Variants in MAP3K21 observed in about 807,000 individuals in gnomAD.
MAP3K21 encodes mitogen-activated protein kinase kinase kinase MLK4.
MAP3K21 carries 63 observed loss-of-function variants against 86.1 expected under a neutral mutation model. The observed-to-expected ratio is 0.73, with a 90% CI of 0.60 to 0.90. MAP3K21 has a LOEUF of 0.90. MAP3K21 is among the 40% of genes least tolerant of loss of function. The pLI, the probability that MAP3K21 is intolerant of heterozygous loss-of-function variation, is 0.00. For synonymous variants in MAP3K21, 558 were observed against 564.8 expected, an observed-to-expected ratio of 0.99 and a Z score of 0.17; for missense variants, 1,220 against 1,367.7, an observed-to-expected ratio of 0.89 and a Z score of 1.70.
At chr1:233,340,972 A>G (rs1663029193) in intron 1 of MAP3K21, among the ~76,000 whole-genome samples, 1 of 152,216 alleles carries the variant, frequency 6.6e-6, no homozygotes, top group Admixed American at 6.5e-5. Context: ...TATATACTAT[A>G]ATTCTGAAAA....
At chr1:233,358,879 G>A (rs141550682) in intron 4 of MAP3K21, among the ~76,000 whole-genome samples, 8 of 151,730 alleles carry the variant, frequency 5.3e-5, no homozygotes, top group South Asian at 2.1e-4. Context: ...GTGTGGTCTC[G>A]GCTCACTGCA....
chr1:233,337,417 A>G (rs996435999), intron 1 of MAP3K21, among the ~76,000 whole-genome samples: 1 of 152,168 alleles, frequency 6.6e-6, no homozygotes, highest in African/African-American at 2.4e-5. Context: ...ACTTAGAAAC[A>G]CTTCTAAGTG....
intron 1 of MAP3K21, among the ~76,000 whole-genome samples, chr1:233,336,448 G>C (rs1662915939): frequency 6.6e-6 from 1 of 152,134 alleles, no homozygotes; most frequent in African/African-American, 2.4e-5. Flanking sequence ...GGCTGAGGCA[G>C]GAGAATTGCT....
intron 1 of MAP3K21, among the ~76,000 whole-genome samples, chr1:233,345,515 A>C (rs1321105002): frequency 6.7e-6 from 1 of 149,928 alleles, no homozygotes; most frequent in Non-Finnish European, 1.5e-5. Flanking sequence ...TCTCACTCAT[A>C]GGTGGGAATT....
chr1:233,370,139 C>CTAGG (rs1663656607), intron 5 of MAP3K21, among the ~76,000 whole-genome samples: 1 of 152,048 alleles, frequency 6.6e-6, no homozygotes, highest in Non-Finnish European at 1.5e-5. Context: ...GGTGATTGGC[C>CTAGG]GTGCAGATGG....
At chr1:233,339,268 CTCTTCTTCTTCT>C (rs1327762337) in intron 1 of MAP3K21, among the ~76,000 whole-genome samples, 2 of 19,854 alleles carry the variant, frequency 1.0e-4, no homozygotes, top group African/African-American at 1.7e-4. Context: ...CTTCTTCTTC[CTCTTCTTCTTCT>C]TCTTCTTCTT....
chr1:233,361,640 T>C (rs1460823517), intron 4 of MAP3K21, among the ~76,000 whole-genome samples: 1 of 152,224 alleles, frequency 6.6e-6, no homozygotes, highest in Non-Finnish European at 1.5e-5. Flanking sequence ...TTTGGCTTTA[T>C]TTTGAAATGG....
rs770889412 is a variant in MAP3K21, at chr1:233,354,933, A to G, written c.1233A>G (p.Gln411=). ...IEGAVMTEMP[Q]ESFHSMQDDW... ...GGGCAGTGATGACTGAGATGCCTCA[A>G]GAATCTTTTCATTCCATGCAAGATG... Residue 411 remains glutamine (Q), a synonymous_variant, in exon 4 of 10, where the codon CAA becomes CAG. Coordinates refer to ENST00000366624, the MANE Select transcript of MAP3K21 (RefSeq NM_032435.3). 9 of 1,614,068 alleles carry G rather than the reference A, an allele frequency of 5.6e-6. No individual in the cohort carries two copies. Among genetic ancestry groups the G allele is most frequent in the Non-Finnish European group, 7.6e-6 (9 of 1,179,908 alleles).
chr1:233,370,136 G>GTA (rs1663656464), intron 5 of MAP3K21, among the ~76,000 whole-genome samples: 1 of 152,164 alleles, frequency 6.6e-6, no homozygotes, highest in Non-Finnish European at 1.5e-5. Flanking sequence ...CATGGTGATT[G>GTA]GCCGTGCAGA....
intron 2 of MAP3K21, among the ~76,000 whole-genome samples, chr1:233,349,726 C>G (rs1434984968): frequency 6.6e-6 from 1 of 152,104 alleles, no homozygotes; most frequent in African/African-American, 2.4e-5. Flanking sequence ...ATCACAAGGT[C>G]GAGAGATCGA....
intron 1 of MAP3K21, among the ~76,000 whole-genome samples, chr1:233,337,004 T>A (rs1186007828): frequency 2.6e-5 from 4 of 152,224 alleles, no homozygotes; most frequent in Non-Finnish European, 5.9e-5. Context: ...CCTTTCACAT[T>A]GGAGGACAAA....
chr1:233,367,366 A>C (rs914070372), intron 5 of MAP3K21, among the ~76,000 whole-genome samples: 1 of 152,238 alleles, frequency 6.6e-6, no homozygotes, highest in South Asian at 2.1e-4. Flanking sequence ...CAGCAAAAAT[A>C]CTAGGATAGG....
chr1:233,367,859 C>CAA lies in MAP3K21; in HGVS notation c.1553-4164_1553-4163dup, dbSNP rs5781742. Among the ~76,000 whole-genome samples the CAA allele has an allele frequency of 9.0e-3, 1,100 of 121,912 alleles. 9 individuals carry two copies. The highest frequency in any genetic ancestry group is 0.037 in the East Asian group (162 of 4,386). 80.0% of individuals were successfully genotyped at this position (121,912 alleles called of 152,430 possible). ...GGGTGACAGGAGCAAGACTCCGTCTCAAAAAAAAAAAAAAAAGAATGTTTT... is the reference window on the plus strand; with the variant it reads ...GGGTGACAGGAGCAAGACTCCGTCTCAAAAAAAAAAAAAAAAAAGAATGTTTT... On this transcript the variant is annotated intron_variant, in intron 5 of 9. Transcript: ENST00000366624.
intron 4 of MAP3K21, among the ~76,000 whole-genome samples, chr1:233,360,400 C>T (rs1030108209): frequency 6.6e-5 from 10 of 152,042 alleles, no homozygotes; most frequent in Non-Finnish European, 1.2e-4. Flanking sequence ...TAAATAAAAA[C>T]CAACTGATAG....
chr1:233,338,591 G>A (rs1398767718), intron 1 of MAP3K21, among the ~76,000 whole-genome samples: 1 of 152,192 alleles, frequency 6.6e-6, no homozygotes, highest in Non-Finnish European at 1.5e-5. Context: ...CTAAGTAAGT[G>A]AGGAAATGGG....
In MAP3K21 at chr1:233,327,818, G is replaced by C. The variant is rs575738092; in HGVS notation, c.-211G>C. The C allele has an allele frequency of 5.5e-6, 2 of 363,782 alleles. No individual in the cohort carries two copies. Among genetic ancestry groups the C allele is most frequent in the South Asian group, 1.4e-4 (1 of 7,024 alleles). 22.5% of individuals were successfully genotyped at this position (363,782 alleles called of 1,614,324 possible). A position where few individuals can be genotyped will look rare whatever the true frequency, so the allele number is the denominator to read the frequency against. On this transcript the variant is annotated 5_prime_UTR_variant, in exon 1 of 10. Coordinates refer to ENST00000366624, the MANE Select transcript of MAP3K21 (RefSeq NM_032435.3). Reference sequence around the variant, plus strand: ...GACGTCGCCCGCGGCTTCGGGGACCGCTGCGGCAGCAGAGGCGGCTGGCCA... The same window carrying C: ...GACGTCGCCCGCGGCTTCGGGGACCCCTGCGGCAGCAGAGGCGGCTGGCCA...
In MAP3K21 at chr1:233,327,957, C is replaced by A. The variant is rs1458743578; in HGVS notation, c.-72C>A. The A allele has an allele frequency of 1.6e-5, 19 of 1,188,084 alleles. No individual in the cohort carries two copies. The highest frequency in any genetic ancestry group is 1.6e-4 in the South Asian group (4 of 25,696). 73.6% of individuals were successfully genotyped at this position (1,188,084 alleles called of 1,614,324 possible). On this transcript the variant is annotated 5_prime_UTR_variant, in exon 1 of 10. Transcript: ENST00000366624. ...CGGCGCCGACGGCCACACCGCCGGA[C>A]GATGCGCGCCCGCGGCCGCCCGGGA...
intron 5 of MAP3K21, among the ~76,000 whole-genome samples, chr1:233,371,212 G>C (rs7527257): frequency 6.6e-6 from 1 of 151,934 alleles, no homozygotes; most frequent in Non-Finnish European, 1.5e-5. Flanking sequence ...TCAACACCAC[G>C]ACCACCATGT....
At chr1:233,355,063 GA>G (rs1372357864) in intron 4 of MAP3K21, 52 bp downstream of exon 4, 26 of 1,342,438 alleles carry the variant, frequency 1.9e-5, no homozygotes, top group Non-Finnish European at 2.7e-5. Context: ...GAAAACTATG[GA>G]AAATATGAGG....
Sources: gnomAD v4.1 joint callset for allele counts (sites outside exome capture counted in the v4.1 genomes callset) on GRCh38, gnomAD v4.1.1 for gene constraint, MANE v1.5 for transcripts, NCBI Gene and HGNC (gene_info 2026-07-23, HGNC 2026-07-21) for gene names.